ENTREP2: variants seen among roughly 807,000 people sequenced by gnomAD.
ENTREP2 encodes the protein endosomal transmembrane epsin interactor 2.
chr15:29,556,161 G>A, the ENTREP2 span, among the ~76,000 whole-genome samples: 1 of 152,190 alleles, frequency 6.6e-6, no homozygotes, highest in Non-Finnish European at 1.5e-5. Flanking sequence ...GGAGACTGAG[G>A]TGGGAGGATC....
the ENTREP2 span, among the ~76,000 whole-genome samples, chr15:29,642,451 TAC>T: frequency 7.8e-3 from 1,164 of 148,724 alleles, 20 homozygotes; most frequent in African/African-American, 0.027. Context: ...CATATATATA[TAC>T]ACACACACAT....
chr15:29,606,976 G>C, the ENTREP2 span, among the ~76,000 whole-genome samples: 1 of 151,962 alleles, frequency 6.6e-6, no homozygotes, highest in Non-Finnish European at 1.5e-5. Flanking sequence ...TGGGATTACA[G>C]GTGCAAGCCA....
chr15:29,476,240 G>C, the ENTREP2 span, among the ~76,000 whole-genome samples: 2 of 152,148 alleles, frequency 1.3e-5, no homozygotes, highest in African/African-American at 4.8e-5. Context: ...CAATAGCGTG[G>C]AAAAGCATTT....
chr15:29,346,815 T>C, the ENTREP2 span, among the ~76,000 whole-genome samples: 2 of 152,332 alleles, frequency 1.3e-5, no homozygotes, highest in East Asian at 3.9e-4. Context: ...TTCACAGTTA[T>C]TTGTTTTCAA....
the ENTREP2 span, among the ~76,000 whole-genome samples, chr15:29,439,308 C>G: frequency 6.7e-6 from 1 of 149,126 alleles, no homozygotes; most frequent in Non-Finnish European, 1.5e-5. Context: ...CACACACACA[C>G]ACACACACAC....
chr15:29,147,747 C>T, the ENTREP2 span, among the ~76,000 whole-genome samples: 6 of 152,184 alleles, frequency 3.9e-5, no homozygotes, highest in African/African-American at 1.4e-4. Flanking sequence ...CTTGCAGTTC[C>T]TCAAAAACAG....
At chr15:29,269,795 G>A in the ENTREP2 span, 188 of 1,243,512 alleles carry the variant, frequency 1.5e-4, no homozygotes, top group African/African-American at 9.6e-4. Context: ...GCCGGTGCCT[G>A]GAGGCGCGCG....
At chr15:29,550,092 T>C in the ENTREP2 span, among the ~76,000 whole-genome samples, 1 of 152,184 alleles carries the variant, frequency 6.6e-6, no homozygotes, top group African/African-American at 2.4e-5. Context: ...CCTCCAGACA[T>C]GATCAGACTC....
At chr15:29,593,073 C>G in the ENTREP2 span, among the ~76,000 whole-genome samples, 1 of 152,296 alleles carries the variant, frequency 6.6e-6, no homozygotes, top group East Asian at 1.9e-4. Flanking sequence ...CACAAATAGA[C>G]TAAGACAGAG....
the ENTREP2 span, among the ~76,000 whole-genome samples, chr15:29,630,978 T>C: frequency 1.3e-5 from 2 of 152,200 alleles, no homozygotes; most frequent in African/African-American, 4.8e-5. Flanking sequence ...CTGTATTATT[T>C]AGATTGAGTA....
the ENTREP2 span, among the ~76,000 whole-genome samples, chr15:29,427,460 A>C: frequency 0.1 from 15,794 of 152,206 alleles, 1,011 homozygotes; most frequent in East Asian, 0.31. Context: ...TTTTGAGGTC[A>C]AAAGTCCAAA....
chr15:29,159,509 TGATTGGTCCATTTTACAGAGAGCC>T, the ENTREP2 span, among the ~76,000 whole-genome samples: 33 of 152,336 alleles, frequency 2.2e-4, no homozygotes, highest in South Asian at 5.0e-3. Context: ...CACATCCTGC[TGATTGGTCCATTTTACAGAGAGCC>T]GATTGGTCCA....
chr15:29,215,807 T>C, the ENTREP2 span, among the ~76,000 whole-genome samples: 2 of 152,228 alleles, frequency 1.3e-5, no homozygotes, highest in East Asian at 1.9e-4. Context: ...GTGAGTCTCC[T>C]GAAGGCAGCA....
the ENTREP2 span, among the ~76,000 whole-genome samples, chr15:29,393,807 C>A: frequency 1.3e-5 from 2 of 152,016 alleles, no homozygotes; most frequent in East Asian, 1.9e-4. Context: ...TAATAAAATT[C>A]TTTATAAATT....
At chr15:29,471,263 G>A in the ENTREP2 span, among the ~76,000 whole-genome samples, 1 of 152,214 alleles carries the variant, frequency 6.6e-6, no homozygotes, top group African/African-American at 2.4e-5. Flanking sequence ...ATCACTAAGA[G>A]TAAAAACGTT....
the ENTREP2 span, among the ~76,000 whole-genome samples, chr15:29,574,820 C>A: frequency 1.3e-5 from 2 of 152,260 alleles, no homozygotes; most frequent in South Asian, 4.1e-4. Flanking sequence ...GAGAGTTGTG[C>A]TTGGATCTCA....
chr15:29,502,097 T>A, the ENTREP2 span, among the ~76,000 whole-genome samples: 1 of 150,462 alleles, frequency 6.6e-6, no homozygotes, highest in African/African-American at 2.5e-5. Context: ...CATCGAGAAT[T>A]TTTTTTTGCA....
At chr15:29,407,592 C>A in the ENTREP2 span, among the ~76,000 whole-genome samples, 1 of 152,150 alleles carries the variant, frequency 6.6e-6, no homozygotes, top group Non-Finnish European at 1.5e-5. Flanking sequence ...CAGGCCAGGG[C>A]ACAGCCAGGT....
At chr15:29,646,442 T>G in the ENTREP2 span, among the ~76,000 whole-genome samples, 2 of 152,100 alleles carry the variant, frequency 1.3e-5, no homozygotes, top group African/African-American at 4.8e-5. Flanking sequence ...CAGCTAGGGG[T>G]GAAGAGCCAC....
Sources: allele counts gnomAD v4.1 joint callset (sites outside exome capture counted in the v4.1 genomes callset), GRCh38; gene constraint gnomAD v4.1.1; transcripts MANE v1.5; gene names NCBI Gene and HGNC (gene_info 2026-07-23, HGNC 2026-07-21).